The following MCPH1 variants were observed in gnomAD, a reference collection of about 807,000 sequenced individuals.
MCPH1 encodes microcephalin.
A neutral mutation model predicts 84.5 loss-of-function variants in MCPH1; 104 were observed. The ratio of observed to expected loss-of-function variants is 1.23; its 90% CI spans 1.05 to 1.45. The LOEUF (loss-of-function observed/expected upper bound fraction) is 1.45, where lower values mean the gene tolerates loss of function less well. MCPH1 is among the 40% of genes most tolerant of loss of function. MCPH1 has a pLI of 0.00. For missense variants in MCPH1, 1,498 were observed against 1,005.7 expected (o/e 1.49, Z -6.62); for synonymous variants, 514 against 366.8 (o/e 1.40, Z -4.58).
intron 9 of MCPH1, among the ~76,000 whole-genome samples, chr8:6,467,004 TG>T (rs1460028670): frequency 6.6e-6 from 1 of 152,226 alleles, no homozygotes; most frequent in Non-Finnish European, 1.5e-5. Flanking sequence ...AATTTCGATT[TG>T]TTTTTAAAAA....
At chr8:6,592,080 G>GA (rs1471336781) in intron 12 of MCPH1, among the ~76,000 whole-genome samples, 1 of 152,124 alleles carries the variant, frequency 6.6e-6, no homozygotes, top group African/African-American at 2.4e-5. Context: ...AGCAAATAGA[G>GA]AACAATACAA....
chr8:6,622,482 C>T (rs566126177), intron 13 of MCPH1, among the ~76,000 whole-genome samples: 4 of 152,208 alleles, frequency 2.6e-5, no homozygotes, highest in Admixed American at 6.5e-5. Flanking sequence ...TCATATGTGG[C>T]GGGACAAGCC....
At chr8:6,622,506 T>TG (rs1308840898) in intron 13 of MCPH1, among the ~76,000 whole-genome samples, 1 of 152,248 alleles carries the variant, frequency 6.6e-6, no homozygotes, top group Non-Finnish European at 1.5e-5. Flanking sequence ...GGCTCCACTG[T>TG]GGGGAAATCC....
At position 6,582,627 on chromosome 8, in the gene MCPH1, G is replaced by A. The variant is rs926083051; in HGVS notation, c.2215-38827G>A. Reference sequence around the variant, plus strand: ...ACCACTTACCTCTCACCATGAGAGCGCTGGTGCCCACCTCCACCTCCGAGT... The same window carrying A: ...ACCACTTACCTCTCACCATGAGAGCACTGGTGCCCACCTCCACCTCCGAGT... On this transcript the variant is annotated intron_variant, in intron 12 of 13. Transcript: ENST00000344683. Among the ~76,000 whole-genome samples the A allele has an allele frequency of 3.9e-5, 6 of 152,078 alleles. No individual in the cohort carries two copies. In the South Asian group the frequency reaches 6.2e-4, roughly 16 times the overall value.
chr8:6,578,124 C>T (rs1293481414), intron 12 of MCPH1, among the ~76,000 whole-genome samples: 1 of 152,168 alleles, frequency 6.6e-6, no homozygotes, highest in South Asian at 2.1e-4. Flanking sequence ...GGCATTGTTT[C>T]CCAGACACTC....
At chr8:6,531,156 C>A (rs1039906665) in intron 12 of MCPH1, among the ~76,000 whole-genome samples, 2 of 151,868 alleles carry the variant, frequency 1.3e-5, no homozygotes, top group Admixed American at 1.3e-4. Context: ...CTGCTAATAG[C>A]AGCTTTTCCC....
At chr8:6,582,649 G>A (rs570382241) in intron 12 of MCPH1, among the ~76,000 whole-genome samples, 2 of 152,008 alleles carry the variant, frequency 1.3e-5, no homozygotes, top group African/African-American at 4.8e-5. Flanking sequence ...CTCCACCTCC[G>A]AGTTCCACAT....
At chr8:6,583,971 A>G (rs1420168223) in intron 12 of MCPH1, among the ~76,000 whole-genome samples, 2 of 151,274 alleles carry the variant, frequency 1.3e-5, no homozygotes, top group Non-Finnish European at 2.9e-5. Context: ...TTCAAGATTC[A>G]TCATACAAAT....
chr8:6,532,637 A>ATT (rs796761227), intron 12 of MCPH1: 3 of 617,062 alleles, frequency 4.9e-6, no homozygotes, highest in Admixed American at 8.1e-5. Context: ...GAATCTTACT[A>ATT]TTTTTTTTTA....
intron 8 of MCPH1, among the ~76,000 whole-genome samples, chr8:6,450,496 A>G (rs781155649): frequency 6.7e-6 from 1 of 149,348 alleles, no homozygotes; most frequent in South Asian, 2.2e-4. Context: ...ACCTCCAGGG[A>G]TACCAGCCAC....
chr8:6,513,903 A>G, intron 12 of MCPH1: 1 of 1,473,858 alleles, frequency 6.8e-7, no homozygotes, highest in Non-Finnish European at 9.3e-7. Flanking sequence ...GTATATTTGA[A>G]GTGGATAGTC....
intron 9 of MCPH1, among the ~76,000 whole-genome samples, chr8:6,461,736 T>A (rs1213103122): frequency 2.6e-5 from 4 of 152,188 alleles, no homozygotes; most frequent in Non-Finnish European, 2.9e-5. Flanking sequence ...TAGTTATACA[T>A]CTTTTCAGAG....
intron 11 of MCPH1, among the ~76,000 whole-genome samples, chr8:6,482,575 T>C (rs1417953029): frequency 6.6e-6 from 1 of 152,240 alleles, no homozygotes; most frequent in East Asian, 1.9e-4. Flanking sequence ...AGGATATGCA[T>C]CTGTACAGGA....
chr8:6,468,116 A>G (rs1299629425), intron 9 of MCPH1, among the ~76,000 whole-genome samples: 1 of 152,108 alleles, frequency 6.6e-6, no homozygotes, highest in African/African-American at 2.4e-5. Flanking sequence ...TTTTGAGTTC[A>G]CCACCAAGGA....
At chr8:6,546,274 G>C (rs561492548) in intron 12 of MCPH1, among the ~76,000 whole-genome samples, 52 of 152,230 alleles carry the variant, frequency 3.4e-4, no homozygotes, top group African/African-American at 9.6e-5. Flanking sequence ...ACCCAGCAGT[G>C]TTCAATGACT....
intron 13 of MCPH1, among the ~76,000 whole-genome samples, chr8:6,623,154 C>T (rs1831650938): frequency 6.6e-6 from 1 of 151,870 alleles, no homozygotes; most frequent in Admixed American, 6.6e-5. Flanking sequence ...CACCCAGCCC[C>T]AGTGGCATCA....
Position 6,644,232 on chromosome 8 carries a change from C to G in MCPH1, c.*1183C>G, listed in dbSNP as rs13282391. On this transcript the variant is annotated 3_prime_UTR_variant, in exon 14 of 14. Coordinates refer to ENST00000344683, the MANE Select transcript of MCPH1 (RefSeq NM_024596.5). ...AGTGAATCAAGATTGCTCCACTGCA[C>G]TCCAGCCTGGGCAACAGAGTAACTC... 6.6e-6 allele frequency: 1 copy of G among 152,146 alleles called. No homozygotes were observed. The allele number at this position is 152,146 out of a possible 1,614,324, so 9.4% of individuals were successfully genotyped here.
chr8:6,412,677 T>C (rs1473976329), intron 2 of MCPH1, among the ~76,000 whole-genome samples: 2 of 152,210 alleles, frequency 1.3e-5, no homozygotes, highest in South Asian at 2.1e-4. Context: ...GTTTAGTGTG[T>C]ACTAAATTTG....
chr8:6,484,691 G>T (rs543593469), intron 11 of MCPH1, among the ~76,000 whole-genome samples: 1 of 152,332 alleles, frequency 6.6e-6, no homozygotes, highest in South Asian at 2.1e-4. Context: ...CTCAGGAGTC[G>T]AAAGGAATGG....
Sources: gnomAD v4.1 joint callset for allele counts (sites outside exome capture counted in the v4.1 genomes callset) on GRCh38, gnomAD v4.1.1 for gene constraint, MANE v1.5 for transcripts, NCBI Gene and HGNC (gene_info 2026-07-23, HGNC 2026-07-21) for gene names.